The following MICAL2 variants were observed in gnomAD, a reference collection of about 807,000 sequenced individuals.
MICAL2 encodes [F-actin]-monooxygenase MICAL2.
MICAL2 carries 77 observed loss-of-function variants against 127.3 expected under a neutral mutation model. That is an observed-to-expected ratio of 0.60 (90% CI 0.50 to 0.73). The LOEUF (loss-of-function observed/expected upper bound fraction) is 0.73. Among genes scored for constraint, MICAL2 ranks in the 30% least tolerant of loss-of-function variants. The pLI is 0.00. For synonymous variants in MICAL2, 570 were observed against 551.1 expected (o/e 1.03, Z -0.48); for missense variants, 1,351 against 1,434.4 (o/e 0.94, Z 0.94).
chr11:12,293,859 G>A, downstream of MICAL2: 1 of 1,609,134 alleles, frequency 6.2e-7, no homozygotes, highest in Non-Finnish European at 8.5e-7. Context: ...AGCTGGACAG[G>A]GCAAGAGCTA....
At chr11:12,361,926 AG>A (rs1292912293), downstream of MICAL2, among the ~76,000 whole-genome samples, 1 of 152,214 alleles carries the variant, frequency 6.6e-6, no homozygotes, top group Non-Finnish European at 1.5e-5. Flanking sequence ...GCTCAAATGT[AG>A]GAGTTTATTG....
chr11:12,186,349 G>A lies in MICAL2; in HGVS notation c.265-17901G>A, dbSNP rs367904653. 1.6e-4 allele frequency among the ~76,000 whole-genome samples: 24 copies of A among 152,176 alleles called. No homozygotes were observed. In the South Asian group the frequency reaches 3.3e-3, roughly 21 times the overall value. Reference sequence around the variant, plus strand: ...TGGGCCTTAGACCCTTTAAAAGTAGGTCCATAAACTTGTGTAGAGGACAGT... The same window carrying A: ...TGGGCCTTAGACCCTTTAAAAGTAGATCCATAAACTTGTGTAGAGGACAGT... On this transcript the variant is annotated intron_variant, in intron 3 of 27. Coordinates refer to ENST00000683283, the MANE Select transcript of MICAL2 (RefSeq NM_001282663.2).
chr11:12,283,030 T>C (rs547760819), intron 2 of MICAL2, among the ~76,000 whole-genome samples: 3 of 152,216 alleles, frequency 2.0e-5, no homozygotes, highest in South Asian at 2.1e-4. Context: ...AGTAGGTAAG[T>C]GGGTAGAATG....
At chr11:12,305,521 T>A (rs1175516799) in intron 29 of MICAL2, among the ~76,000 whole-genome samples, 1 of 152,184 alleles carries the variant, frequency 6.6e-6, no homozygotes, top group Non-Finnish European at 1.5e-5. Flanking sequence ...TGTACATACA[T>A]ACCTATGATA....
intron 1 of MICAL2, among the ~76,000 whole-genome samples, chr11:12,278,985 A>G (rs920307069): frequency 1.3e-5 from 2 of 152,214 alleles, no homozygotes; most frequent in African/African-American, 4.8e-5. Context: ...TTTAGAGGCT[A>G]TTAAAGCCCA....
At chr11:12,308,448 G>T (rs1329931614) in intron 29 of MICAL2, among the ~76,000 whole-genome samples, 8 of 151,928 alleles carry the variant, frequency 5.3e-5, no homozygotes, top group Non-Finnish European at 1.0e-4. Context: ...ATTTAGAATG[G>T]TTTTTTTAGT....
At chr11:12,245,709 C>T (rs1388399170) in intron 21 of MICAL2, among the ~76,000 whole-genome samples, 4 of 152,244 alleles carry the variant, frequency 2.6e-5, no homozygotes, top group Non-Finnish European at 5.9e-5. Flanking sequence ...TCCTCCTCCT[C>T]AGTAAGAGTG....
rs1456904912 is a variant in MICAL2 at position 12,159,725 on chromosome 11, A to T, written c.-77-2354A>T. On this transcript the variant is annotated intron_variant, in intron 2 of 27. Transcript: ENST00000683283. Reference sequence around the variant, plus strand: ...GGCACAGAAGTGGTTCCAAAGATAGATAAAGACTGAGAATGTTAATACGAT... The same window carrying T: ...GGCACAGAAGTGGTTCCAAAGATAGTTAAAGACTGAGAATGTTAATACGAT... Among the ~76,000 whole-genome samples, 5 of 152,350 alleles carry T rather than the reference A, an allele frequency of 3.3e-5. No homozygotes were observed. The East Asian group carries it at 7.7e-4, about 23-fold the overall frequency.
chr11:12,128,484 C>T (rs1468671995), intron 1 of MICAL2, among the ~76,000 whole-genome samples: 1 of 152,210 alleles, frequency 6.6e-6, no homozygotes, highest in Non-Finnish European at 1.5e-5. Flanking sequence ...ATGAGTGTTC[C>T]ATTGTGTAAA....
chr11:12,249,342 A>G, intron 22 of MICAL2, 96 bp downstream of exon 22: 1 of 746,718 alleles, frequency 1.3e-6, no homozygotes, highest in Non-Finnish European at 2.4e-6. Flanking sequence ...GCATATGATC[A>G]GCAGCAGTAC....
Position 12,242,424 on chromosome 11 carries a change from A to G in MICAL2, c.2548A>G (p.Ile850Val), listed in dbSNP as rs780659840. The G allele has an allele frequency of 3.7e-6, 6 of 1,604,782 alleles. No homozygotes were observed. The African/African-American group carries it at 5.4e-5, about 14-fold the overall frequency. ...GCGGCTGCAGCAAGTGGAGGAAAAG[A>G]TTCTCCAGGTGAGAGACTCACTTTT... ...LWRLQQVEEKILQKRAQNLAN... is the reference protein window; with the variant it reads ...LWRLQQVEEKVLQKRAQNLAN... The change falls in exon 19 of 28, where the codon ATT (isoleucine) becomes GTT (valine). Residue 850 changes from isoleucine (I) to valine (V), a missense_variant. Physicochemically the swap from Ile to Val is conservative, Grantham distance 29. Coordinates refer to ENST00000683283, the MANE Select transcript of MICAL2 (RefSeq NM_001282663.2).
At chr11:12,201,926 C>A (rs916386982) in intron 3 of MICAL2, among the ~76,000 whole-genome samples, 4 of 152,182 alleles carry the variant, frequency 2.6e-5, no homozygotes, top group African/African-American at 9.7e-5. Context: ...CAAGACCAGC[C>A]TGACCAACAT....
At chr11:12,261,565 G>C (rs1156341626) in intron 26 of MICAL2, 23 of 985,504 alleles carry the variant, frequency 2.3e-5, no homozygotes, top group Non-Finnish European at 2.8e-5. Flanking sequence ...GAGTTGCTGG[G>C]CCCAAGATAG....
Position 12,223,518 on chromosome 11 carries a change from G to A in MICAL2, c.1540+17G>A, listed in dbSNP as rs756830240. ...CCAGGAAGGGTAAGCGGCCCTCCTG[G>A]GACCCTGGTGGGTGGCTGGGAAGAG... is the stretch of plus-strand genomic sequence containing the variant. On this transcript the variant is annotated intron_variant, in intron 12 of 27. Transcript: ENST00000683283. 4.4e-6 allele frequency: 7 copies of A among 1,608,866 alleles called. No individual in the cohort carries two copies. Among genetic ancestry groups the A allele is most frequent in the South Asian group, 2.2e-5 (2 of 90,932 alleles).
chr11:12,301,668 A>G (rs1314430426), intron 29 of MICAL2, among the ~76,000 whole-genome samples: 1 of 152,202 alleles, frequency 6.6e-6, no homozygotes, highest in African/African-American at 2.4e-5. Context: ...GAAGGAGGGC[A>G]TAGGGAGGTG....
intron 8 of MICAL2, chr11:12,216,533 G>A: frequency 3.5e-6 from 2 of 578,740 alleles, no homozygotes; most frequent in South Asian, 2.2e-5. Flanking sequence ...AGAGGGACGT[G>A]TGCTGCTGTG....
chr11:12,187,295 A>T (rs934682625), intron 3 of MICAL2, among the ~76,000 whole-genome samples: 1 of 152,256 alleles, frequency 6.6e-6, no homozygotes, highest in African/African-American at 2.4e-5. Context: ...TCAAGGGAGA[A>T]CATCTCTAAG....
intron 2 of MICAL2, among the ~76,000 whole-genome samples, chr11:12,142,173 T>C (rs1852414259): frequency 1.3e-5 from 2 of 152,196 alleles, no homozygotes; most frequent in South Asian, 4.1e-4. Context: ...TGCACTTGAA[T>C]GTCTAAGGTG....
intron 2 of MICAL2, among the ~76,000 whole-genome samples, chr11:12,143,929 C>A (rs956171759): frequency 6.6e-6 from 1 of 151,868 alleles, no homozygotes; most frequent in Non-Finnish European, 1.5e-5. Context: ...AGAATAATGG[C>A]GGAGAGAGAG....
Sources: allele counts gnomAD v4.1 joint callset (sites outside exome capture counted in the v4.1 genomes callset), GRCh38; gene constraint gnomAD v4.1.1; transcripts MANE v1.5; gene names NCBI Gene and HGNC (gene_info 2026-07-23, HGNC 2026-07-21).